IPCEF1: variants seen among roughly 807,000 people sequenced by gnomAD.
IPCEF1 encodes interaction protein for cytohesin exchange factors 1.
IPCEF1 carries 31 observed loss-of-function variants against 50.9 expected under a neutral mutation model. The ratio of observed to expected loss-of-function variants is 0.61; its 90% CI spans 0.46 to 0.82. The LOEUF is 0.82. Ranked by LOEUF, IPCEF1 falls within the 40% of genes least tolerant of loss-of-function variation. IPCEF1 has a pLI of 0.00. For missense variants in IPCEF1, 458 were observed against 514.0 expected, an observed-to-expected ratio of 0.89 and a Z score of 1.05; for synonymous variants, 181 against 192.0, an observed-to-expected ratio of 0.94 and a Z score of 0.47.
chr6:154,279,430 G>A (rs569826490), intron 2 of IPCEF1, among the ~76,000 whole-genome samples: 54 of 152,220 alleles, frequency 3.5e-4, no homozygotes, highest in Non-Finnish European at 6.8e-4. Flanking sequence ...TTTGCCATTC[G>A]TTATCTTCAT....
rs147289260 is a variant in IPCEF1, at chr6:154,343,637, C to T, written c.-62+13035G>A. Among the ~76,000 whole-genome samples, 6 of 152,346 alleles carry T rather than the reference C, an allele frequency of 3.9e-5. No homozygotes were observed. In the East Asian group the frequency reaches 1.2e-3, roughly 29 times the overall value. On this transcript the variant is annotated intron_variant, in intron 1 of 11. Transcript: ENST00000367220. ...CCAATCTGACCCAATTATGCACTCA[C>T]TCTGTCTCTAAAATTACTCACATTG... is the stretch of plus-strand genomic sequence containing the variant.
At chr6:154,340,245 T>TTTATTA (rs149057852) in intron 1 of IPCEF1, among the ~76,000 whole-genome samples, 215 of 151,058 alleles carry the variant, frequency 1.4e-3, no homozygotes, top group African/African-American at 4.8e-3. Flanking sequence ...TATTTTTTAA[T>TTTATTA]TTATTATTAT....
intron 1 of IPCEF1, among the ~76,000 whole-genome samples, chr6:154,300,896 G>C (rs567920116): frequency 2.0e-5 from 3 of 152,286 alleles, no homozygotes; most frequent in Non-Finnish European, 4.4e-5. Flanking sequence ...AAGTTGCCCT[G>C]TTACTTGACC....
chr6:154,206,220 T>C (rs748699752), intron 9 of IPCEF1, among the ~76,000 whole-genome samples: 8 of 152,212 alleles, frequency 5.3e-5, no homozygotes, highest in South Asian at 2.1e-4. Flanking sequence ...CTACTTCCGA[T>C]AGCTATGTGT....
chr6:154,166,896 T>C (rs1057043869), intron 11 of IPCEF1, among the ~76,000 whole-genome samples: 2 of 152,246 alleles, frequency 1.3e-5, no homozygotes, highest in Admixed American at 6.5e-5. Flanking sequence ...ATAAAAATTT[T>C]AATATTAAAT....
intron 1 of IPCEF1, among the ~76,000 whole-genome samples, chr6:154,341,334 A>C (rs1412903110): frequency 6.6e-6 from 1 of 152,214 alleles, no homozygotes; most frequent in Non-Finnish European, 1.5e-5. Flanking sequence ...TCCATAGTTA[A>C]AAGAAAAAAT....
chr6:154,354,471 A>ACCTCCTCCACCATCTCCTCCACC (rs1260024841), intron 1 of IPCEF1, among the ~76,000 whole-genome samples: 1 of 52,152 alleles, frequency 1.9e-5, no homozygotes, highest in African/African-American at 5.8e-5. Flanking sequence ...TCTCCTCCAC[A>ACCTCCTCCACCATCTCCTCCACC]ACCACCTCCA....
intron 10 of IPCEF1, among the ~76,000 whole-genome samples, chr6:154,185,968 C>T (rs1219067179): frequency 6.6e-6 from 1 of 152,194 alleles, no homozygotes; most frequent in East Asian, 1.9e-4. Context: ...TTTGGTTCCC[C>T]TTCTCCCTTA....
intron 10 of IPCEF1, among the ~76,000 whole-genome samples, chr6:154,170,215 A>G (rs539737745): frequency 6.6e-6 from 1 of 152,324 alleles, no homozygotes. Context: ...AAAGAAATAC[A>G]ATGAGATTTC....
intron 2 of IPCEF1, among the ~76,000 whole-genome samples, chr6:154,272,604 G>A (rs148036330): frequency 1.3e-5 from 2 of 152,292 alleles, no homozygotes; most frequent in East Asian, 3.9e-4. Flanking sequence ...AATATGTTTT[G>A]TTAGCAAATG....
rs145011095 is a variant in IPCEF1, at chr6:154,184,221, A to G, written c.910+15447T>C. Among the ~76,000 whole-genome samples the G allele has an allele frequency of 8.6e-3, 1,307 of 152,174 alleles. 10 individuals carry two copies. Among genetic ancestry groups the G allele is most frequent in the African/African-American group, 0.028 (1,163 of 41,546 alleles). On this transcript the variant is annotated intron_variant, in intron 10 of 11. Transcript: ENST00000367220. ...TTAAAAAAAAATAGCTGTATCAGCT[A>G]TCTCAAAATGTAATAGCACTGGCAT...
intron 9 of IPCEF1, among the ~76,000 whole-genome samples, chr6:154,204,832 T>A (rs1163297014): frequency 6.6e-6 from 1 of 152,156 alleles, no homozygotes; most frequent in Admixed American, 6.5e-5. Context: ...CCATCTTAAG[T>A]AGAAAAATAT....
At chr6:154,165,563 C>T (rs999228910) in intron 11 of IPCEF1, among the ~76,000 whole-genome samples, 6 of 152,132 alleles carry the variant, frequency 3.9e-5, no homozygotes, top group Admixed American at 2.6e-4. Context: ...AAGCACTGCA[C>T]GAGGGATCTA....
At chr6:154,261,137 C>T (rs959951815) in intron 3 of IPCEF1, among the ~76,000 whole-genome samples, 1 of 151,988 alleles carries the variant, frequency 6.6e-6, no homozygotes, top group African/African-American at 2.4e-5. Flanking sequence ...TGGGCCCAAG[C>T]GATCCACCCA....
chr6:154,196,606 G>A (rs78693198), intron 10 of IPCEF1, among the ~76,000 whole-genome samples: 3 of 152,270 alleles, frequency 2.0e-5, no homozygotes, highest in East Asian at 1.9e-4. Flanking sequence ...TCAGCAGGTA[G>A]TGTGTGTTGT....
chr6:154,342,585 CAA>C (rs1387514763), intron 1 of IPCEF1, among the ~76,000 whole-genome samples: 2 of 152,024 alleles, frequency 1.3e-5, no homozygotes, highest in African/African-American at 4.8e-5. Context: ...CCACACCTGG[CAA>C]TTTTTTTCAA....
chr6:154,210,292 C>A (rs1210970679), intron 9 of IPCEF1, among the ~76,000 whole-genome samples: 1 of 151,964 alleles, frequency 6.6e-6, no homozygotes, highest in Non-Finnish European at 1.5e-5. Context: ...TATTTTACAA[C>A]TAAATAATCA....
intron 10 of IPCEF1, among the ~76,000 whole-genome samples, chr6:154,169,099 G>C (rs922382606): frequency 6.7e-6 from 1 of 149,954 alleles, no homozygotes; most frequent in South Asian, 2.3e-4. Flanking sequence ...GGTGGCTCAC[G>C]CCTGTAATCC....
In IPCEF1 at chr6:154,289,704, A is replaced by G. The variant is rs1021973235; in HGVS notation, c.-18+9T>C. ...AAGAATTCGTTGCAAAGAATTTTCA[A>G]TTACATACCAAAAAGTTATGAATTT... On this transcript the variant is annotated intron_variant, in intron 2 of 11. Coordinates refer to ENST00000367220, the MANE Select transcript of IPCEF1 (RefSeq NM_001130700.2). 6.6e-6 allele frequency: 1 copy of G among 151,744 alleles called. No individual in the cohort carries two copies. Among genetic ancestry groups the G allele is most frequent in the Non-Finnish European group, 1.5e-5 (1 of 67,966 alleles). 9.4% of individuals were successfully genotyped at this position (151,744 alleles called of 1,614,324 possible). A position where few individuals can be genotyped will look rare whatever the true frequency, so the allele number is the denominator to read the frequency against.
Sources: gnomAD v4.1 joint callset for allele counts (sites outside exome capture counted in the v4.1 genomes callset) on GRCh38, gnomAD v4.1.1 for gene constraint, MANE v1.5 for transcripts, NCBI Gene and HGNC (gene_info 2026-07-23, HGNC 2026-07-21) for gene names.